The following PTP4A3 variants were observed in gnomAD, a reference collection of about 807,000 sequenced individuals.
PTP4A3 encodes the protein protein tyrosine phosphatase type IVA 3.
PTP4A3 carries 9 observed loss-of-function variants against 15.2 expected under a neutral mutation model. The ratio of observed to expected loss-of-function variants is 0.59; its 90% CI spans 0.36 to 1.03. The LOEUF is 1.03. Ranked by LOEUF, PTP4A3 falls within the 50% of genes least tolerant of loss-of-function variation. PTP4A3 has a pLI of 0.02. For synonymous variants in PTP4A3, 95 were observed against 102.0 expected (o/e 0.93, Z 0.41); for missense variants, 234 against 252.1 (o/e 0.93, Z 0.49).
Position 141,425,822 on chromosome 8 carries a change from C to T in PTP4A3, c.198+682C>T, listed in dbSNP as rs1203224482. On this transcript the variant is annotated intron_variant, in intron 3 of 5. Transcript: ENST00000521578. This position sits in a 1 kb window ranked among gnomAD's most constrained non-coding sequence, Gnocchi z 4.2. ...GGCTGGGGTTGCAGTTTTGTGACCT[C>T]AGCTTGGCGGTTTGGAATGGTGGCA... Among the ~76,000 whole-genome samples, 1 of 152,190 alleles carries T rather than the reference C, an allele frequency of 6.6e-6. No homozygotes were observed. The highest frequency in any genetic ancestry group is 1.5e-5 in the Non-Finnish European group (1 of 68,014).
chr8:141,409,039 G>A (rs893476135), intron 1 of PTP4A3, among the ~76,000 whole-genome samples: 1 of 152,236 alleles, frequency 6.6e-6, no homozygotes, highest in African/African-American at 2.4e-5. Context: ...GACTGGTGGG[G>A]CATTTGATTC....
At chr8:141,402,453 G>A (rs1226792791) in intron 1 of PTP4A3, among the ~76,000 whole-genome samples, 1 of 152,208 alleles carries the variant, frequency 6.6e-6, no homozygotes, top group Non-Finnish European at 1.5e-5. Context: ...ACAGGCCTGA[G>A]TGTAGCTGGC....
chr8:141,400,562 C>T (rs1479026375), intron 1 of PTP4A3, among the ~76,000 whole-genome samples: 2 of 152,200 alleles, frequency 1.3e-5, no homozygotes, highest in Non-Finnish European at 2.9e-5. Context: ...CAGCCATCCC[C>T]CCACCCCCAT....
intron 5 of PTP4A3, 51 bp downstream of exon 5, chr8:141,427,875 T>C: frequency 4.1e-5 from 61 of 1,481,326 alleles, no homozygotes; most frequent in Non-Finnish European, 5.1e-5. Context: ...GGAGGGGAGA[T>C]CCGGCTGCCC....
chr8:141,429,182 C>T (rs1433684710), intron 5 of PTP4A3, among the ~76,000 whole-genome samples: 1 of 152,262 alleles, frequency 6.6e-6, no homozygotes, highest in East Asian at 1.9e-4. Context: ...GAGGGCTGCG[C>T]CTTCCCCAGT....
intron 1 of PTP4A3, among the ~76,000 whole-genome samples, chr8:141,416,851 G>T (rs1434782840): frequency 6.6e-6 from 1 of 152,082 alleles, no homozygotes; most frequent in Non-Finnish European, 1.5e-5. Flanking sequence ...GGAGAGCCTG[G>T]CAGGGGGAGG....
intron 1 of PTP4A3, among the ~76,000 whole-genome samples, 167 bp downstream of exon 1, chr8:141,392,251 G>A (rs1359970703): frequency 1.3e-5 from 2 of 151,756 alleles, no homozygotes; most frequent in African/African-American, 4.8e-5. Flanking sequence ...GGGACCCTGC[G>A]CCTGGCGGCC....
chr8:141,420,718 G>C (rs1202696810), intron 1 of PTP4A3, among the ~76,000 whole-genome samples: 1 of 152,258 alleles, frequency 6.6e-6, no homozygotes, highest in African/African-American at 2.4e-5. Context: ...ACCTGTGTGA[G>C]CAGTGGAGAC....
rs540156292 is a variant in PTP4A3, at chr8:141,421,987, T to C, written c.-254T>C. 207 of 476,714 alleles carry C rather than the reference T, an allele frequency of 4.3e-4. 1 individual carries two copies. Among genetic ancestry groups the C allele is most frequent in the African/African-American group, 3.0e-3 (147 of 49,500 alleles). 29.5% of individuals were successfully genotyped at this position (476,714 alleles called of 1,614,324 possible). On this transcript the variant is annotated 5_prime_UTR_variant, in exon 2 of 6. Coordinates refer to ENST00000521578, the MANE Select transcript of PTP4A3 (RefSeq NM_032611.3). ...GGTTGGGGGGGGCGGCGGGCTGTTT[T>C]GTTCCTTTTCTTTTTTAAGAGTTGG...
At chr8:141,403,700 A>C (rs1246150818) in intron 1 of PTP4A3, among the ~76,000 whole-genome samples, 1 of 152,238 alleles carries the variant, frequency 6.6e-6, no homozygotes, top group African/African-American at 2.4e-5. Flanking sequence ...AGAAAAGTGA[A>C]TTAAACAGGG....
chr8:141,408,639 A>G (rs910648869), intron 1 of PTP4A3, among the ~76,000 whole-genome samples: 2 of 152,054 alleles, frequency 1.3e-5, no homozygotes, highest in African/African-American at 4.8e-5. Flanking sequence ...AAAGACTAAA[A>G]TGGTGGATTT....
chr8:141,415,985 C>T (rs1201597842), intron 1 of PTP4A3, among the ~76,000 whole-genome samples: 7 of 151,930 alleles, frequency 4.6e-5, no homozygotes, highest in Admixed American at 4.6e-4. Context: ...CGGCTCCTGC[C>T]TGGTTATAAA....
At chr8:141,413,110 G>A (rs1450495934) in intron 1 of PTP4A3, among the ~76,000 whole-genome samples, 2 of 152,206 alleles carry the variant, frequency 1.3e-5, no homozygotes, top group Admixed American at 1.3e-4. Flanking sequence ...TGTCTGCTGA[G>A]GGTCCACTGG....
rs1007373230 is a variant in PTP4A3 at position 141,425,277 on chromosome 8, T to C, written c.198+137T>C. 1.3e-5 allele frequency: 11 copies of C among 862,674 alleles called. No individual in the cohort carries two copies. Among genetic ancestry groups the C allele is most frequent in the Non-Finnish European group, 2.0e-5 (11 of 553,252 alleles). 53.4% of individuals were successfully genotyped at this position (862,674 alleles called of 1,614,324 possible). Reference sequence around the variant, plus strand: ...CATGTCTGTGCCTGGGCCACGTGTGTGTCTGGGTACATCAAGGGAAGGCCA... The same window carrying C: ...CATGTCTGTGCCTGGGCCACGTGTGCGTCTGGGTACATCAAGGGAAGGCCA... On this transcript the variant is annotated intron_variant, in intron 3 of 5. Transcript: ENST00000521578. The surrounding 1 kb of genome is among the most constrained non-coding windows in gnomAD (Gnocchi z 4.2).
At chr8:141,430,336 CA>C (rs1833805045) in intron 5 of PTP4A3, among the ~76,000 whole-genome samples, 1 of 146,868 alleles carries the variant, frequency 6.8e-6, no homozygotes, top group African/African-American at 2.6e-5. Flanking sequence ...GCACACAGTC[CA>C]GGTCCCCGCT....
intron 1 of PTP4A3, among the ~76,000 whole-genome samples, chr8:141,405,116 G>C (rs752358942): frequency 2.1e-4 from 32 of 152,188 alleles, no homozygotes; most frequent in Non-Finnish European, 4.0e-4. Context: ...GACAAGTCAC[G>C]AACAGGGCTG....
chr8:141,405,473 T>C (rs1832698246), intron 1 of PTP4A3, among the ~76,000 whole-genome samples: 1 of 152,238 alleles, frequency 6.6e-6, no homozygotes, highest in Non-Finnish European at 1.5e-5. Context: ...ACTGTGTTGC[T>C]GGGAGTGCTT....
chr8:141,427,347 T>TC (rs1299761768), intron 4 of PTP4A3, among the ~76,000 whole-genome samples: 2 of 151,566 alleles, frequency 1.3e-5, no homozygotes, highest in African/African-American at 4.9e-5. Context: ...GACACAAAGA[T>TC]CCCCCCACAC....
At chr8:141,411,817 C>T (rs1832878127) in intron 1 of PTP4A3, among the ~76,000 whole-genome samples, 1 of 152,032 alleles carries the variant, frequency 6.6e-6, no homozygotes, top group African/African-American at 2.4e-5. Flanking sequence ...GGTGACCGCG[C>T]CTGCTGGGGC....
Sources: gnomAD v4.1 joint callset for allele counts (sites outside exome capture counted in the v4.1 genomes callset) on GRCh38, gnomAD v4.1.1 for gene constraint, Gnocchi (gnomAD v3.1) non-coding constraint, MANE v1.5 for transcripts, NCBI Gene and HGNC (gene_info 2026-07-23, HGNC 2026-07-21) for gene names.